DMD: variants seen among roughly 807,000 people sequenced by gnomAD.
The protein encoded by DMD is dystrophin, also known as mutant dystrophin.
Under a neutral mutation model 330.1 loss-of-function variants are expected in DMD, and 63 were observed. The observed-to-expected ratio is 0.19, with a 90% CI of 0.16 to 0.24. The LOEUF is 0.24. DMD is among the 10% of genes least tolerant of loss of function. The probability of loss-of-function intolerance (pLI) is 1.00; values close to 1 mark genes in which losing one functional copy is unlikely to be tolerated. For synonymous variants in DMD, 1,223 were observed against 959.8 expected (o/e 1.27, Z -5.07); for missense variants, 3,344 against 2,684.1 (o/e 1.25, Z -5.43).
intron 9 of DMD, among the ~76,000 whole-genome samples, chrX:32,662,795 T>C (rs1252049982): frequency 8.9e-6 from 1 of 111,887 alleles, no homozygotes; most frequent in African/African-American, 3.2e-5. Context: ...ATTTGCTCCT[T>C]GTCAGCAGCA....
intron 29 of DMD, among the ~76,000 whole-genome samples, chrX:32,416,319 G>T (rs774322863): frequency 1.7e-3 from 192 of 112,039 alleles, no homozygotes; most frequent in African/African-American, 6.0e-3. Context: ...GCTTGCAAAT[G>T]GATTAAGAAT....
In DMD at chrX:32,711,660, T is replaced by C. The variant is rs1425721356; in HGVS notation, c.650-12367A>G. On this transcript the variant is annotated intron_variant, in intron 7 of 78. Coordinates refer to ENST00000357033, the MANE Select transcript of DMD (RefSeq NM_004006.3). The stretch of plus-strand genomic sequence containing the variant: ...GGAAAACTAAAACAGTACAGACGCA[T>C]TTAAAGTTAATAGTGAAAGTACCCC... 1.8e-4 allele frequency among the ~76,000 whole-genome samples: 20 copies of C among 112,078 alleles called. No individual in the cohort carries two copies. The Admixed American group carries it at 1.8e-3, about 10-fold the overall frequency.
At chrX:33,241,649 A>G (rs1384802405) in intron 1 of DMD, among the ~76,000 whole-genome samples, 4 of 112,392 alleles carry the variant, frequency 3.6e-5, no homozygotes, top group African/African-American at 6.5e-5. Context: ...AATTCTTCCA[A>G]TACATGAACA....
intron 54 of DMD, among the ~76,000 whole-genome samples, chrX:31,654,463 T>C (rs997561888): frequency 2.7e-5 from 3 of 111,045 alleles, no homozygotes; most frequent in African/African-American, 9.9e-5. Flanking sequence ...ATATTGACAT[T>C]ATTAATCTTT....
At chrX:31,529,217 A>G (rs184825445) in intron 55 of DMD, among the ~76,000 whole-genome samples, 1,929 of 102,881 alleles carry the variant, frequency 0.019, 52 homozygotes, top group African/African-American at 0.065. Flanking sequence ...GCGAGACTCC[A>G]TTTCAAAAAA....
intron 4 of DMD, among the ~76,000 whole-genome samples, chrX:32,824,616 G>A (rs2078541402): frequency 9.0e-6 from 1 of 111,623 alleles, no homozygotes; most frequent in Non-Finnish European, 1.9e-5. Context: ...ATGTGGGGTA[G>A]CTGAATGTTC....
At chrX:32,960,869 A>G (rs1339458480) in intron 2 of DMD, among the ~76,000 whole-genome samples, 1 of 106,382 alleles carries the variant, frequency 9.4e-6, no homozygotes. Context: ...GCCAACATCA[A>G]TGAACATGTG....
At chrX:32,523,102 AGATT>A (rs1220268064) in intron 17 of DMD, among the ~76,000 whole-genome samples, 1 of 111,899 alleles carries the variant, frequency 8.9e-6, no homozygotes, top group Non-Finnish European at 1.9e-5. Flanking sequence ...TGTTGGAGAA[AGATT>A]TCTACTAGGC....
At chrX:31,889,037 A>C (rs2094196260) in intron 47 of DMD, among the ~76,000 whole-genome samples, 1 of 112,316 alleles carries the variant, frequency 8.9e-6, no homozygotes, top group Non-Finnish European at 1.9e-5. Context: ...GTTTTATTGC[A>C]TAACCACTTC....
intron 37 of DMD, among the ~76,000 whole-genome samples, chrX:32,350,035 G>T (rs960617874): frequency 1.8e-5 from 2 of 110,981 alleles, no homozygotes; most frequent in Non-Finnish European, 1.9e-5. Flanking sequence ...TTATTAAATG[G>T]TTGTTCACAT....
At chrX:31,366,542 GA>G (rs1014526286) in intron 60 of DMD, among the ~76,000 whole-genome samples, 4 of 38,476 alleles carry the variant, frequency 1.0e-4, no homozygotes, top group African/African-American at 3.9e-4. Context: ...AGAAAAAAAA[GA>G]AAAAAAACTT....
At chrX:31,874,689 C>T (rs1003297401) in intron 48 of DMD, among the ~76,000 whole-genome samples, 27 of 111,045 alleles carry the variant, frequency 2.4e-4, no homozygotes, top group African/African-American at 6.9e-4. Flanking sequence ...TCTGAACCTT[C>T]GCCTGGGCTC....
intron 2 of DMD, among the ~76,000 whole-genome samples, chrX:32,918,159 T>C (rs1489951755): frequency 9.0e-6 from 1 of 110,972 alleles, no homozygotes; most frequent in Non-Finnish European, 1.9e-5. Context: ...TATATGTGAC[T>C]GTAGGAATCC....
Position 32,391,160 on chromosome X carries a change from C to T in DMD, c.4234-979G>A, listed in dbSNP as rs752663985. ...TATTTCTGTCAAATCCATACAAAATCAGCTAGCGGTCAAATCATTCTAATT... is the reference window on the plus strand; with the variant it reads ...TATTTCTGTCAAATCCATACAAAATTAGCTAGCGGTCAAATCATTCTAATT... On this transcript the variant is annotated intron_variant, in intron 30 of 78. Transcript: ENST00000357033. 7.1e-4 allele frequency among the ~76,000 whole-genome samples: 79 copies of T among 111,476 alleles called. No individual in the cohort carries two copies. Among genetic ancestry groups the T allele is most frequent in the Non-Finnish European group, 1.2e-3 (63 of 53,123 alleles).
chrX:32,696,444 A>T (rs182405660), intron 9 of DMD, among the ~76,000 whole-genome samples: 66 of 112,255 alleles, frequency 5.9e-4, no homozygotes, highest in Admixed American at 2.4e-3. Flanking sequence ...CTTATTTTAA[A>T]TAAAACAAGT....
intron 32 of DMD, among the ~76,000 whole-genome samples, chrX:32,388,608 G>A (rs1159598163): frequency 9.1e-6 from 1 of 110,155 alleles, no homozygotes; most frequent in Non-Finnish European, 1.9e-5. Context: ...CCCCATTCAT[G>A]ATATGACTAC....
chrX:32,523,593 C>T (rs138746767), intron 17 of DMD, among the ~76,000 whole-genome samples: 63 of 112,130 alleles, frequency 5.6e-4, no homozygotes, highest in Non-Finnish European at 5.6e-4. Flanking sequence ...CCTTTTTGTC[C>T]AATCACATTC....
intron 7 of DMD, among the ~76,000 whole-genome samples, chrX:32,729,712 A>G: frequency 9.1e-6 from 1 of 109,712 alleles, no homozygotes; most frequent in East Asian, 2.9e-4. Context: ...TCTCTTAAGG[A>G]GCTTTTTATA....
intron 48 of DMD, among the ~76,000 whole-genome samples, chrX:31,865,039 G>C (rs2093775016): frequency 8.9e-6 from 1 of 112,177 alleles, no homozygotes; most frequent in African/African-American, 3.2e-5. Flanking sequence ...TTCAAACTTA[G>C]TCTTTTGTTT....
Sources: allele counts gnomAD v4.1 joint callset (sites outside exome capture counted in the v4.1 genomes callset), GRCh38; gene constraint gnomAD v4.1.1; transcripts MANE v1.5; gene names NCBI Gene and HGNC (gene_info 2026-07-23, HGNC 2026-07-21).